KDM4D: variants seen among roughly 807,000 people sequenced by gnomAD.
The protein encoded by KDM4D is lysine demethylase 4D.
For synonymous variants in KDM4D, 254 were observed against 249.1 expected, an observed-to-expected ratio of 1.02 and a Z score of -0.19; for missense variants, 427 against 674.8, an observed-to-expected ratio of 0.63 and a Z score of 4.07.
Position 94,998,566 on chromosome 11 carries a change from C to A in KDM4D, c.1194C>A (p.His398Gln). The stretch of plus-strand genomic sequence containing the variant: ...CTGCCCGCAGTGGGACACGGTGCCA[C>A]ACCCTTGTGTGCTCTTCACTCCCAC... ...PMAARSGTRC[H>Q]TLVCSSLPRR... The change falls in exon 3 of 3, where the codon CAC becomes CAA. Residue 398 changes from histidine (H) to glutamine (Q), a missense_variant. By Grantham distance (24) the His-to-Gln change is conservative (BLOSUM62 0). Coordinates refer to ENST00000335080, the MANE Select transcript of KDM4D (RefSeq NM_018039.3). This position sits in a 1 kb window ranked among gnomAD's most constrained non-coding sequence, Gnocchi z 6.7. The A allele has an allele frequency of 1.9e-6, 3 of 1,613,692 alleles. No homozygotes were observed. The East Asian group carries it at 6.7e-5, about 36-fold the overall frequency.
chr11:94,986,030 C>A (rs1340204332), intron 2 of KDM4D, among the ~76,000 whole-genome samples: 4 of 152,118 alleles, frequency 2.6e-5, no homozygotes, highest in African/African-American at 9.7e-5. Context: ...GCACAAGCAA[C>A]AACAAAAATT....
intron 2 of KDM4D, among the ~76,000 whole-genome samples, 182 bp from the exon 3 acceptor site, chr11:94,996,842 T>A (rs1857979358): frequency 6.6e-6 from 1 of 152,228 alleles, no homozygotes; most frequent in South Asian, 2.1e-4. Context: ...TGCTTCATAT[T>A]CTCTGTAGTA....
Position 94,997,453 on chromosome 11 carries a change from G to A in KDM4D, c.81G>A (p.Glu27=), listed in dbSNP as rs782091808. The A allele has an allele frequency of 6.8e-6, 11 of 1,613,838 alleles. No individual in the cohort carries two copies. The African/African-American group carries it at 1.3e-4, about 20-fold the overall frequency. The part of the protein sequence containing the change: ...NIMIFHPTKE[E]FNDFDKYIAY... ...TGATATTTCATCCAACCAAAGAAGA[G>A]TTTAATGATTTTGATAAATATATTG... The change falls in exon 3 of 3, where the codon GAG becomes GAA. Residue 27 remains glutamate, a synonymous_variant. Coordinates refer to ENST00000335080, the MANE Select transcript of KDM4D (RefSeq NM_018039.3).
At chr11:94,981,775 T>A (rs1031228419) in intron 2 of KDM4D, among the ~76,000 whole-genome samples, 2 of 151,742 alleles carry the variant, frequency 1.3e-5, no homozygotes, top group African/African-American at 4.8e-5. Context: ...TAGACTTTTT[T>A]AAAAAAGCCC....
chr11:94,982,888 T>C (rs587765377), intron 2 of KDM4D, among the ~76,000 whole-genome samples: 2 of 152,150 alleles, frequency 1.3e-5, no homozygotes, highest in African/African-American at 4.8e-5. Flanking sequence ...TACCAGTTAA[T>C]TGGTGGGAAT....
chr11:94,980,939 A>G (rs1283102287), intron 2 of KDM4D, among the ~76,000 whole-genome samples: 1 of 152,050 alleles, frequency 6.6e-6, no homozygotes, highest in East Asian at 1.9e-4. Flanking sequence ...TAGGACTTCC[A>G]AGATAATGTT....
chr11:94,979,575 T>G (rs1396886183), intron 2 of KDM4D, among the ~76,000 whole-genome samples: 2 of 152,180 alleles, frequency 1.3e-5, no homozygotes, highest in Non-Finnish European at 2.9e-5. Flanking sequence ...AATTTTTAAA[T>G]TTTATATAAA....
At chr11:94,985,413 T>C (rs1157394335) in intron 2 of KDM4D, among the ~76,000 whole-genome samples, 1 of 152,188 alleles carries the variant, frequency 6.6e-6, no homozygotes, top group Non-Finnish European at 1.5e-5. Context: ...GCAAGACATA[T>C]ACTGGGAACT....
chr11:94,989,750 T>C (rs199736394), intron 2 of KDM4D, among the ~76,000 whole-genome samples: 9 of 71,964 alleles, frequency 1.3e-4, no homozygotes, highest in East Asian at 5.2e-4. Context: ...CTCTCTCTCT[T>C]TCTTTTTTTT....
rs1555097740 is a variant in KDM4D, at chr11:94,982,942, A to C, written c.-350+7194A>C. Among the ~76,000 whole-genome samples the C allele has an allele frequency of 2.6e-5, 4 of 152,014 alleles. No individual in the cohort carries two copies. The South Asian group carries it at 8.3e-4, about 31-fold the overall frequency. ...GAAAATACACCTCTAATTTTCCTTT[A>C]ATTTCAATGCATTCCCAATTTAAAT... is the stretch of plus-strand genomic sequence containing the variant. On this transcript the variant is annotated intron_variant, in intron 2 of 2. Transcript: ENST00000335080.
chr11:94,980,593 T>C (rs1555097466), intron 2 of KDM4D, among the ~76,000 whole-genome samples: 2 of 152,232 alleles, frequency 1.3e-5, no homozygotes, highest in African/African-American at 4.8e-5. Context: ...TATATTAATA[T>C]GCTTCTCTAA....
In KDM4D at chr11:94,985,385, A is replaced by C. The variant is rs151186688; in HGVS notation, c.-350+9637A>C. On this transcript the variant is annotated intron_variant, in intron 2 of 2. Coordinates refer to ENST00000335080, the MANE Select transcript of KDM4D (RefSeq NM_018039.3). ...CAAAAAGATCAAAATGCTTAGGAAT[A>C]AATTTAACAAAAGAAGTGCAAGACA... Among the ~76,000 whole-genome samples the C allele has an allele frequency of 1.8e-3, 270 of 152,354 alleles. 1 individual carries two copies. The highest frequency in any genetic ancestry group is 6.1e-3 in the African/African-American group (255 of 41,590).
chr11:94,998,457 A>G lies in KDM4D; in HGVS notation c.1085A>G (p.Lys362Arg). The change falls in exon 3 of 3, where the codon AAG becomes AGG. Residue 362 changes from lysine (K) to arginine (R), a missense_variant. Coordinates refer to ENST00000335080, the MANE Select transcript of KDM4D (RefSeq NM_018039.3). This position sits in a 1 kb window ranked among gnomAD's most constrained non-coding sequence, Gnocchi z 6.7. Reference sequence around the variant, plus strand: ...GCCAGCCAAGAGCTGAGCACCCAGAAGGAAGTCCAGTTACCCAGGAGAGCA... The same window carrying G: ...GCCAGCCAAGAGCTGAGCACCCAGAGGGAAGTCCAGTTACCCAGGAGAGCA... ...VPASQELSTQ[K>R]EVQLPRRAAL... The G allele has an allele frequency of 6.2e-7, 1 of 1,613,296 alleles. No homozygotes were observed. Among genetic ancestry groups the G allele is most frequent in the Non-Finnish European group, 8.5e-7 (1 of 1,180,016 alleles).
rs1555096909 is a variant in KDM4D at position 94,975,633 on chromosome 11, TTGTC to T, written c.-444-19_-444-16del. ...ATTATTAATATTATTTTTATTATTA[TTGTC>T]TATCTTCCTATATTAGAACATAAGT... On this transcript the variant is annotated splice_polypyrimidine_tract_variant and intron_variant, in intron 1 of 2. Transcript: ENST00000335080. The T allele has an allele frequency of 6.6e-6, 1 of 151,902 alleles. No homozygotes were observed. The highest frequency in any genetic ancestry group is 1.5e-5 in the Non-Finnish European group (1 of 67,970). 9.4% of individuals were successfully genotyped at this position (151,902 alleles called of 1,614,324 possible).
At chr11:94,988,668 C>T (rs1232224350) in intron 2 of KDM4D, among the ~76,000 whole-genome samples, 2 of 152,174 alleles carry the variant, frequency 1.3e-5, no homozygotes, top group East Asian at 1.9e-4. Flanking sequence ...ATAGGAATAT[C>T]TAACTATTGT....
chr11:94,975,007 T>A (rs782535188), intron 1 of KDM4D, among the ~76,000 whole-genome samples: 3 of 152,080 alleles, frequency 2.0e-5, no homozygotes, highest in Non-Finnish European at 4.4e-5. Context: ...CCCCACGGAG[T>A]CTGGTTCCTG....
Position 94,997,810 on chromosome 11 carries a change from T to C in KDM4D, c.438T>C (p.Asp146=), listed in dbSNP as rs782607667. Residue 146 remains aspartate, a synonymous_variant, in exon 3 of 3, where the codon GAT becomes GAC. Coordinates refer to ENST00000335080, the MANE Select transcript of KDM4D (RefSeq NM_018039.3). ...CTGACATCAGTGGCTCCTTGTTTGATGAAAACACTAAACAATGGAATCTTG... is the reference window on the plus strand; with the variant it reads ...CTGACATCAGTGGCTCCTTGTTTGACGAAAACACTAAACAATGGAATCTTG... The part of the protein sequence containing the change: ...YGADISGSLF[D]ENTKQWNLGH... The C allele has an allele frequency of 7.4e-6, 12 of 1,614,208 alleles. No individual in the cohort carries two copies.
In KDM4D at chr11:94,999,097, C is replaced by T. The variant is rs1858005257; in HGVS notation, c.*153C>T. The T allele has an allele frequency of 2.2e-5, 14 of 631,348 alleles. No individual in the cohort carries two copies. Among genetic ancestry groups the T allele is most frequent in the Non-Finnish European group, 2.9e-5 (12 of 407,778 alleles). The allele number at this position is 631,348 out of a possible 1,614,324, so 39.1% of individuals were successfully genotyped here. ...TGATGCCCTTGGATGCTGCCAAGTC[C>T]ATGGTAGTTTTCAATTTTGCCATAC... On this transcript the variant is annotated 3_prime_UTR_variant, in exon 3 of 3. Transcript: ENST00000335080.
chr11:94,988,923 G>T (rs1455463132), intron 2 of KDM4D, among the ~76,000 whole-genome samples: 3 of 152,156 alleles, frequency 2.0e-5, no homozygotes, highest in Non-Finnish European at 2.9e-5. Flanking sequence ...GAAACCTCAA[G>T]ATGCACGTCA....
Sources: allele counts gnomAD v4.1 joint callset (sites outside exome capture counted in the v4.1 genomes callset), GRCh38; gene constraint gnomAD v4.1.1; non-coding constraint Gnocchi (gnomAD v3.1); transcripts MANE v1.5; gene names NCBI Gene and HGNC (gene_info 2026-07-23, HGNC 2026-07-21).